The following MON2 variants were observed in gnomAD, a reference collection of about 807,000 sequenced individuals.
MON2 encodes the protein protein MON2 homolog.
MON2 carries 84 observed loss-of-function variants against 208.6 expected under a neutral mutation model. The ratio of observed to expected loss-of-function variants is 0.40; its 90% confidence interval spans 0.34 to 0.48. The LOEUF (loss-of-function observed/expected upper bound fraction) is 0.48, where lower values mean the gene tolerates loss of function less well. Ranked by LOEUF, MON2 falls within the 20% of genes least tolerant of loss-of-function variation. The probability of loss-of-function intolerance (pLI) is 0.59; values close to 1 mark genes in which losing one functional copy is unlikely to be tolerated. For missense variants in MON2, 1,611 were observed against 2,015.4 expected, an observed-to-expected ratio of 0.80 and a Z score of 3.84; for synonymous variants, 660 against 694.0, an observed-to-expected ratio of 0.95 and a Z score of 0.77.
chr12:62,546,211 A>T (rs2073476564), intron 21 of MON2, among the ~76,000 whole-genome samples: 1 of 152,228 alleles, frequency 6.6e-6, no homozygotes, highest in African/African-American at 2.4e-5. Flanking sequence ...ACATTAATAA[A>T]GTAAATGAAA....
intron 23 of MON2, among the ~76,000 whole-genome samples, chr12:62,552,352 T>A (rs181421199): frequency 2.6e-5 from 4 of 152,306 alleles, no homozygotes; most frequent in Non-Finnish European, 4.4e-5. Flanking sequence ...TACTGCTGGA[T>A]AGCACCTCCT....
chr12:62,483,903 A>G (rs2069603995), intron 1 of MON2, among the ~76,000 whole-genome samples: 3 of 152,240 alleles, frequency 2.0e-5, no homozygotes, highest in South Asian at 4.1e-4. Context: ...GGATTGAGGT[A>G]TTCCAGATAA....
chr12:62,537,724 G>A lies in MON2; in HGVS notation c.2118+18G>A, dbSNP rs1027814817. 4 of 1,552,680 alleles carry A rather than the reference G, an allele frequency of 2.6e-6. No individual in the cohort carries two copies. The African/African-American group carries it at 5.5e-5, about 21-fold the overall frequency. ...CTCTTCAGGTATGTAAAAGTGTCTA[G>A]GTCAGAGATTAGTGTTGTTTTTATA... On this transcript the variant is annotated intron_variant, in intron 16 of 34. Coordinates refer to ENST00000393630, the MANE Select transcript of MON2 (RefSeq NM_015026.3).
At chr12:62,570,965 C>T (rs945598029) in intron 29 of MON2, among the ~76,000 whole-genome samples, 2 of 151,994 alleles carry the variant, frequency 1.3e-5, no homozygotes, top group South Asian at 2.1e-4. Context: ...CTCTTGACCT[C>T]GTGATCCACC....
chr12:62,566,146 G>T, intron 28 of MON2, 115 bp downstream of exon 28: 7 of 1,358,518 alleles, frequency 5.2e-6, no homozygotes, highest in Non-Finnish European at 7.1e-6. Context: ...ATTTTTGCCT[G>T]GCTGAAAATT....
chr12:62,550,175 G>C (rs778085405), intron 23 of MON2, among the ~76,000 whole-genome samples: 1 of 152,156 alleles, frequency 6.6e-6, no homozygotes, highest in Non-Finnish European at 1.5e-5. Flanking sequence ...TTGAAGCCTT[G>C]AAGCCAAGCA....
At chr12:62,478,121 TTGTGTGTGTG>T (rs59861392) in intron 1 of MON2, among the ~76,000 whole-genome samples, 11 of 149,794 alleles carry the variant, frequency 7.3e-5, no homozygotes, top group Non-Finnish European at 1.6e-4. Flanking sequence ...TAGATATAAT[TTGTGTGTGTG>T]TGTGTGTGTG....
At chr12:62,532,402 C>A in intron 11 of MON2, 36 bp from the exon 12 acceptor site, 1 of 1,413,610 alleles carries the variant, frequency 7.1e-7, no homozygotes, top group Admixed American at 1.7e-5. Context: ...TTTGTTGTGG[C>A]TTCTCATTAG....
intron 2 of MON2, among the ~76,000 whole-genome samples, chr12:62,492,617 C>T (rs2070221861): frequency 1.4e-5 from 2 of 147,478 alleles, no homozygotes; most frequent in Admixed American, 6.7e-5. Flanking sequence ...ATGATCCACC[C>T]GCCTCGGCCT....
chr12:62,510,406 A>G (rs1473266985), intron 8 of MON2, among the ~76,000 whole-genome samples: 1 of 152,226 alleles, frequency 6.6e-6, no homozygotes, highest in Non-Finnish European at 1.5e-5. Context: ...AGGAAACTTA[A>G]TTCAACAGCA....
At chr12:62,480,768 A>G (rs2069377860) in intron 1 of MON2, among the ~76,000 whole-genome samples, 1 of 152,230 alleles carries the variant, frequency 6.6e-6, no homozygotes, top group Non-Finnish European at 1.5e-5. Flanking sequence ...TTGACTGACT[A>G]GAATTTAGAA....
At chr12:62,510,342 A>G (rs1188167605) in intron 8 of MON2, among the ~76,000 whole-genome samples, 1 of 152,164 alleles carries the variant, frequency 6.6e-6, no homozygotes, top group Non-Finnish European at 1.5e-5. Flanking sequence ...AGGAAAAAAA[A>G]ACAGATCAAG....
Position 62,560,800 on chromosome 12 carries a change from G to A in MON2, c.3719G>A (p.Trp1240Ter), listed in dbSNP as rs1461382454. The change falls in exon 26 of 35, where the codon TGG becomes TAG. Residue 1240 changes from tryptophan to a stop codon, truncating the protein, a stop_gained. Transcript: ENST00000393630. LOFTEE classifies it high-confidence loss of function. ...VTDELEDLNL[W>*]WAAWNTWYRI... is the part of the protein sequence containing the mutation. Reference sequence around the variant, plus strand: ...GATGAGCTTGAAGATTTGAATCTATGGTGGGCTGCGTGGAATACCTGGTAT... The same window carrying A: ...GATGAGCTTGAAGATTTGAATCTATAGTGGGCTGCGTGGAATACCTGGTAT... 1 of 1,614,064 alleles carries A rather than the reference G, an allele frequency of 6.2e-7. No individual in the cohort carries two copies.
chr12:62,474,702 G>A (rs890051486), intron 1 of MON2, among the ~76,000 whole-genome samples: 6 of 152,214 alleles, frequency 3.9e-5, no homozygotes, highest in Admixed American at 6.5e-5. Flanking sequence ...AGGATTACAG[G>A]TGTGAGCCAT....
At chr12:62,546,380 T>C (rs557394462) in intron 21 of MON2, among the ~76,000 whole-genome samples, 1 of 152,210 alleles carries the variant, frequency 6.6e-6, no homozygotes, top group Non-Finnish European at 1.5e-5. Flanking sequence ...TCTTGAAAGT[T>C]GATTTTTTCT....
chr12:62,585,493 T>A lies in MON2; in HGVS notation c.4899T>A (p.Pro1633=). The A allele has an allele frequency of 6.3e-7, 1 of 1,590,822 alleles. No individual in the cohort carries two copies. The highest frequency in any genetic ancestry group is 8.6e-7 in the Non-Finnish European group (1 of 1,161,756). Residue 1633 remains proline (P), a synonymous_variant, in exon 33 of 35, where the codon CCT becomes CCA. Transcript: ENST00000393630. ...ATGAAAGATTAAGTGGTAAATGCCC[T>A]CTTCCAAGGTATATATTTCATTTTA... is the stretch of plus-strand genomic sequence containing the variant. ...IEDERLSGKC[P]LPRQQVTEII... is the part of the protein sequence containing the mutation.
chr12:62,479,803 C>T (rs2069304806), intron 1 of MON2, among the ~76,000 whole-genome samples: 2 of 151,606 alleles, frequency 1.3e-5, no homozygotes, highest in African/African-American at 2.4e-5. Context: ...GCATGAGTAT[C>T]AATTAAGGAA....
At chr12:62,538,646 T>A in intron 19 of MON2, 141 bp downstream of exon 19, 1 of 613,120 alleles carries the variant, frequency 1.6e-6, no homozygotes, top group Non-Finnish European at 2.8e-6. Flanking sequence ...TTACCACTTA[T>A]CGTTATTTGT....
intron 32 of MON2, among the ~76,000 whole-genome samples, chr12:62,583,426 G>C (rs1309730587): frequency 2.6e-5 from 4 of 152,008 alleles, no homozygotes. Context: ...TGAATCCAGG[G>C]AGCCTAACAT....
Sources: allele counts gnomAD v4.1 joint callset (sites outside exome capture counted in the v4.1 genomes callset), GRCh38; gene constraint gnomAD v4.1.1; transcripts MANE v1.5; gene names NCBI Gene and HGNC (gene_info 2026-07-23, HGNC 2026-07-21).